Variants in CDC6 observed in about 807,000 individuals in gnomAD.
The protein encoded by CDC6 is cell division cycle 6, also known as DNA replication factor CDC6.
In CDC6, 46 loss-of-function variants were observed where a neutral mutation model predicts 60.2. The ratio of observed to expected loss-of-function variants is 0.76; its 90% CI spans 0.60 to 0.98. The LOEUF (loss-of-function observed/expected upper bound fraction) is 0.98. CDC6 is among the 50% of genes least tolerant of loss of function. The pLI, the probability that CDC6 is intolerant of heterozygous loss-of-function variation, is 0.00. For missense variants in CDC6, 596 were observed against 652.9 expected (o/e 0.91, Z 0.95); for synonymous variants, 210 against 233.2 (o/e 0.90, Z 0.90).
At position 40,302,859 on chromosome 17, in the gene CDC6, G is replaced by A. The variant is rs1048685644; in HGVS notation, c.*858G>A. 3.9e-5 allele frequency: 6 copies of A among 152,204 alleles called. No homozygotes were observed. Among genetic ancestry groups the A allele is most frequent in the Non-Finnish European group, 5.9e-5 (4 of 68,048 alleles). 9.4% of individuals were successfully genotyped at this position (152,204 alleles called of 1,614,324 possible). A position where few individuals can be genotyped will look rare whatever the true frequency, so the allele number is the denominator to read the frequency against. On this transcript the variant is annotated 3_prime_UTR_variant, in exon 12 of 12. Coordinates refer to ENST00000209728, the MANE Select transcript of CDC6 (RefSeq NM_001254.4). Reference sequence around the variant, plus strand: ...GAGTTTCTTGGGCACTCCCAAGGGCGTTGGGGTCATAAGGAGACTATAACT... The same window carrying A: ...GAGTTTCTTGGGCACTCCCAAGGGCATTGGGGTCATAAGGAGACTATAACT...
intron 9 of CDC6, among the ~76,000 whole-genome samples, chr17:40,299,944 G>C (rs1413170945): frequency 6.6e-6 from 1 of 151,912 alleles, no homozygotes; most frequent in Non-Finnish European, 1.5e-5. Flanking sequence ...AAAATATTCG[G>C]TAATTTTCCA....
intron 8 of CDC6, among the ~76,000 whole-genome samples, chr17:40,296,423 G>T (rs2032860606): frequency 6.6e-6 from 1 of 152,172 alleles, no homozygotes; most frequent in Non-Finnish European, 1.5e-5. Flanking sequence ...GGAAACCATT[G>T]AAGTTTCTCA....
In CDC6 at chr17:40,291,320, G is replaced by A. The variant is rs765932810; in HGVS notation, c.441G>A (p.Val147=). The A allele has an allele frequency of 6.2e-7, 1 of 1,614,232 alleles. No homozygotes were observed. Among genetic ancestry groups the A allele is most frequent in the East Asian group, 2.2e-5 (1 of 44,894 alleles). The stretch of plus-strand genomic sequence containing the variant: ...CACTGAAGAAAGAATCTGCATGTGT[G>A]AGACTATTCAAGCAAGAAGGTTTGT... ...RCPLKKESAC[V]RLFKQEGTCY... Residue 147 remains valine, a synonymous_variant, in exon 3 of 12, where the codon GTG becomes GTA. Coordinates refer to ENST00000209728, the MANE Select transcript of CDC6 (RefSeq NM_001254.4).
At chr17:40,299,187 C>T (rs1308632383) in intron 9 of CDC6, among the ~76,000 whole-genome samples, 1 of 110,824 alleles carries the variant, frequency 9.0e-6, no homozygotes, top group Non-Finnish European at 1.7e-5. Flanking sequence ...CTCGCTCTGT[C>T]ACCAGGCTGG....
At chr17:40,300,227 G>T (rs2032918490) in intron 9 of CDC6, among the ~76,000 whole-genome samples, 1 of 152,154 alleles carries the variant, frequency 6.6e-6, no homozygotes, top group African/African-American at 2.4e-5. Context: ...ATCTCCCAAA[G>T]TGCTGGGATT....
chr17:40,288,557 C>T (rs1477676998), intron 1 of CDC6, among the ~76,000 whole-genome samples: 3 of 149,222 alleles, frequency 2.0e-5, no homozygotes, highest in Non-Finnish European at 4.4e-5. Context: ...GTAGCTGGGA[C>T]TACAGGCGCC....
chr17:40,290,667 G>C (rs2032742484), intron 2 of CDC6, among the ~76,000 whole-genome samples: 1 of 152,196 alleles, frequency 6.6e-6, no homozygotes, highest in Non-Finnish European at 1.5e-5. Flanking sequence ...TGATAACCAA[G>C]TCAGCTACTA....
intron 7 of CDC6, among the ~76,000 whole-genome samples, chr17:40,294,725 C>T (rs1416635838): frequency 1.3e-5 from 2 of 148,204 alleles, no homozygotes; most frequent in Admixed American, 1.3e-4. Context: ...ATCACCCAAG[C>T]GCTTTTTTTT....
chr17:40,289,770 G>A lies in CDC6; in HGVS notation c.178+172G>A, dbSNP rs75514647. Among the ~76,000 whole-genome samples the A allele has an allele frequency of 5.3e-3, 737 of 138,736 alleles. 5 individuals carry two copies. Among genetic ancestry groups the A allele is most frequent in the Middle Eastern group, 0.024 (6 of 252 alleles). The allele number at this position is 138,736 out of a possible 152,430, so 91.0% of individuals were successfully genotyped here. A position where few individuals can be genotyped will look rare whatever the true frequency, so the allele number is the denominator to read the frequency against. On this transcript the variant is annotated intron_variant, in intron 2 of 11. Transcript: ENST00000209728. ...ATCTCCCAGGCTGGAGTGCAATAGT[G>A]CGATCTTGGCTCACTGCAACCTCCG... is the stretch of plus-strand genomic sequence containing the variant.
In CDC6 at chr17:40,300,914, A is replaced by T. The variant is rs763823622; in HGVS notation, c.1336A>T (p.Met446Leu). 2.9e-5 allele frequency: 47 copies of T among 1,613,962 alleles called. No individual in the cohort carries two copies. The highest frequency in any genetic ancestry group is 4.0e-5 in the Non-Finnish European group (47 of 1,179,930). The change falls in exon 10 of 12, where the codon ATG (methionine) becomes TTG (leucine). Residue 446 changes from methionine (M) to leucine (L), a missense_variant. Coordinates refer to ENST00000209728, the MANE Select transcript of CDC6 (RefSeq NM_001254.4). ...CATCTCAGAAGTTGATGGTAACAGG[A>T]TGACCTTGAGCCAAGAAGGAGCACA... ...QVISEVDGNR[M>L]TLSQEGAQDS...
intron 9 of CDC6, among the ~76,000 whole-genome samples, chr17:40,300,427 G>C (rs1319961541): frequency 1.3e-5 from 2 of 152,138 alleles, no homozygotes; most frequent in Non-Finnish European, 2.9e-5. Flanking sequence ...AACCCAGGAA[G>C]CCAAGGCTGC....
chr17:40,293,582 A>G lies in CDC6; in HGVS notation c.787A>G (p.Met263Val), dbSNP rs370722747. ...EEVSRPAGKD[M>V]MRKLEKHMTA... ...GGTATCCAGGCCAGCTGGGAAGGAC[A>G]TGATGAGGAAATTGGAAAAACATAT... Residue 263 changes from methionine to valine, a missense_variant, in exon 5 of 12, where the codon ATG becomes GTG. By Grantham distance (21) the Met-to-Val change is conservative (BLOSUM62 1). Transcript: ENST00000209728. 6 of 1,613,996 alleles carry G rather than the reference A, an allele frequency of 3.7e-6. No individual in the cohort carries two copies. Among genetic ancestry groups the G allele is most frequent in the Non-Finnish European group, 5.1e-6 (6 of 1,179,822 alleles).
At position 40,291,099 on chromosome 17, in the gene CDC6, T is replaced by G. The variant is rs1460689160; in HGVS notation, c.220T>G (p.Ser74Ala). The G allele has an allele frequency of 6.2e-7, 1 of 1,614,150 alleles. No individual in the cohort carries two copies. Among genetic ancestry groups the G allele is most frequent in the Non-Finnish European group, 8.5e-7 (1 of 1,180,022 alleles). Reference sequence around the variant, plus strand: ...CAACACTCCCCATTTACCTCCTTGTTCTCCACCAAAGCAAGGCAAGAAAGA... The same window carrying G: ...CAACACTCCCCATTTACCTCCTTGTGCTCCACCAAAGCAAGGCAAGAAAGA... ...LCNTPHLPPC[S>A]PPKQGKKENG... The change falls in exon 3 of 12, where the codon TCT (serine) becomes GCT (alanine). Residue 74 changes from serine to alanine, a missense_variant. Physicochemically the swap from Ser to Ala is moderately conservative, Grantham distance 99. Transcript: ENST00000209728.
chr17:40,295,656 C>T lies in CDC6; in HGVS notation c.1184+200C>T, dbSNP rs1164578631. ...TGTCTGAAACATTATCAGTCCATTA[C>T]CTACAGAGGGAGAAACAAATGAGAT... On this transcript the variant is annotated intron_variant, in intron 8 of 11. Coordinates refer to ENST00000209728, the MANE Select transcript of CDC6 (RefSeq NM_001254.4). 1.9e-5 allele frequency: 11 copies of T among 592,754 alleles called. No individual in the cohort carries two copies. In the African/African-American group the frequency reaches 1.9e-4, roughly 10 times the overall value. 36.7% of individuals were successfully genotyped at this position (592,754 alleles called of 1,614,324 possible).
intron 4 of CDC6, among the ~76,000 whole-genome samples, chr17:40,292,012 G>T (rs1359684622): frequency 6.6e-6 from 1 of 152,152 alleles, no homozygotes; most frequent in Admixed American, 6.5e-5. Context: ...CTCCCAAAGT[G>T]TTGGGATTAC....
chr17:40,301,818 G>A (rs1367836421), intron 11 of CDC6, 94 bp from the exon 12 acceptor site: 5 of 981,066 alleles, frequency 5.1e-6, no homozygotes, highest in Non-Finnish European at 8.0e-6. Context: ...CTTGCCTTTT[G>A]TGAGAAAAAG....
At chr17:40,298,699 G>T (rs1464249377) in intron 9 of CDC6, among the ~76,000 whole-genome samples, 1 of 152,140 alleles carries the variant, frequency 6.6e-6, no homozygotes. Flanking sequence ...CACCATACCA[G>T]GTTGAGATTG....
chr17:40,289,725 T>G, intron 2 of CDC6, 127 bp downstream of exon 2: 2 of 699,202 alleles, frequency 2.9e-6, no homozygotes, highest in South Asian at 3.4e-5. Context: ...TTTTTTTTTT[T>G]TGAGACAGAG....
At chr17:40,288,596 T>C (rs529293739) in intron 1 of CDC6, among the ~76,000 whole-genome samples, 1 of 150,928 alleles carries the variant, frequency 6.6e-6, no homozygotes, top group East Asian at 2.0e-4. Flanking sequence ...ATTTTTTTTT[T>C]TTTTTTGAGA....
Sources: allele counts gnomAD v4.1 joint callset (sites outside exome capture counted in the v4.1 genomes callset), GRCh38; gene constraint gnomAD v4.1.1; transcripts MANE v1.5; gene names NCBI Gene and HGNC (gene_info 2026-07-23, HGNC 2026-07-21).